Variants in USP15 observed in about 807,000 individuals in gnomAD.
The protein encoded by USP15 is ubiquitin carboxyl-terminal hydrolase 15.
USP15 carries 18 observed loss-of-function variants against 127.1 expected under a neutral mutation model. The ratio of observed to expected loss-of-function variants is 0.14; its 90% confidence interval spans 0.10 to 0.21. USP15 has a LOEUF of 0.21. USP15 is among the 10% of genes least tolerant of loss of function. The pLI is 1.00. For synonymous variants in USP15, 364 were observed against 393.7 expected (o/e 0.92, Z 0.89); for missense variants, 805 against 1,159.9 (o/e 0.69, Z 4.44).
chr12:62,265,762 G>A (rs1488412526), intron 1 of USP15, among the ~76,000 whole-genome samples: 4 of 152,066 alleles, frequency 2.6e-5, no homozygotes, highest in African/African-American at 9.7e-5. Context: ...GCCTAGACTG[G>A]TTTGAAACTC....
At chr12:62,393,771 G>A (rs530627397) in intron 19 of USP15, 3 of 152,318 alleles carry the variant, frequency 2.0e-5, no homozygotes, top group South Asian at 2.1e-4. Context: ...TAGTACAGAC[G>A]AGGTTTCACC....
chr12:62,341,948 C>T (rs12229271), intron 6 of USP15, among the ~76,000 whole-genome samples: 33,974 of 151,912 alleles, frequency 0.22, 4,105 homozygotes, highest in African/African-American at 0.33. Context: ...TGGGGAGGTT[C>T]TCCTGAACTA....
intron 1 of USP15, among the ~76,000 whole-genome samples, chr12:62,286,509 A>G (rs888946281): frequency 2.6e-5 from 4 of 152,212 alleles, no homozygotes; most frequent in African/African-American, 9.6e-5. Context: ...CCATTCGCTC[A>G]GCAGTCCCAT....
At chr12:62,271,957 A>G (rs1164083586) in intron 1 of USP15, among the ~76,000 whole-genome samples, 1 of 151,910 alleles carries the variant, frequency 6.6e-6, no homozygotes, top group Non-Finnish European at 1.5e-5. Context: ...AAGAGATGGT[A>G]AACTATTCCA....
At chr12:62,266,108 A>G (rs1279577463) in intron 1 of USP15, among the ~76,000 whole-genome samples, 1 of 152,192 alleles carries the variant, frequency 6.6e-6, no homozygotes, top group Non-Finnish European at 1.5e-5. Context: ...TTTGATCCAC[A>G]AGTACATTCA....
intron 7 of USP15, among the ~76,000 whole-genome samples, chr12:62,351,873 G>A (rs1243825519): frequency 2.6e-5 from 4 of 150,974 alleles, no homozygotes; most frequent in African/African-American, 7.3e-5. Context: ...TTAAGCATTC[G>A]TAAAATGGAA....
At chr12:62,361,228 A>G (rs1257543001) in intron 8 of USP15, among the ~76,000 whole-genome samples, 2 of 152,082 alleles carry the variant, frequency 1.3e-5, no homozygotes, top group Non-Finnish European at 2.9e-5. Context: ...TAACTTGGCT[A>G]ATAATGATTT....
At chr12:62,297,894 T>TA (rs1194560755) in intron 2 of USP15, among the ~76,000 whole-genome samples, 1 of 152,152 alleles carries the variant, frequency 6.6e-6, no homozygotes, top group Non-Finnish European at 1.5e-5. Context: ...CTCACTGAGT[T>TA]ACACGAAAAC....
intron 2 of USP15, among the ~76,000 whole-genome samples, chr12:62,296,523 A>G (rs1172850767): frequency 6.6e-6 from 1 of 152,234 alleles, no homozygotes; most frequent in Non-Finnish European, 1.5e-5. Flanking sequence ...AAGAGAATAT[A>G]GTAATCCTAA....
intron 20 of USP15, among the ~76,000 whole-genome samples, chr12:62,399,954 TAGAA>T (rs1205569461): frequency 6.6e-6 from 1 of 152,144 alleles, no homozygotes; most frequent in Non-Finnish European, 1.5e-5. Flanking sequence ...GGTAACTTAA[TAGAA>T]AGAGAATATT....
intron 1 of USP15, among the ~76,000 whole-genome samples, chr12:62,280,112 C>G (rs1565812980): frequency 6.6e-6 from 1 of 151,954 alleles, no homozygotes; most frequent in East Asian, 1.9e-4. Context: ...GCACATGGCT[C>G]AAGAGTAAAA....
chr12:62,395,780 T>C (rs891746913), intron 19 of USP15, among the ~76,000 whole-genome samples: 14 of 151,774 alleles, frequency 9.2e-5, no homozygotes, highest in African/African-American at 3.1e-4. Context: ...TTATTTGATT[T>C]AACATAATCT....
intron 8 of USP15, among the ~76,000 whole-genome samples, chr12:62,376,867 A>G (rs1279922695): frequency 6.6e-6 from 1 of 152,154 alleles, no homozygotes; most frequent in African/African-American, 2.4e-5. Context: ...GAAGTTTTCT[A>G]CTGCTACCTA....
chr12:62,371,126 TATG>T (rs758177725), intron 8 of USP15, among the ~76,000 whole-genome samples: 4 of 152,184 alleles, frequency 2.6e-5, no homozygotes, highest in Non-Finnish European at 5.9e-5. Flanking sequence ...ATAAGGCAAA[TATG>T]ATTATTATGT....
At chr12:62,393,365 T>G (rs1237104353) in intron 19 of USP15, among the ~76,000 whole-genome samples, 163 bp downstream of exon 19, 1 of 152,212 alleles carries the variant, frequency 6.6e-6, no homozygotes, top group South Asian at 2.1e-4. Context: ...GATCAGTGTT[T>G]CAAAATTTTT....
intron 8 of USP15, 21 bp from the exon 9 acceptor site, chr12:62,381,469 A>C (rs745452713): frequency 2.6e-6 from 4 of 1,560,268 alleles, no homozygotes; most frequent in East Asian, 2.3e-5. Flanking sequence ...TTTACTTGAA[A>C]ATATATTTTA....
Position 62,298,821 on chromosome 12 carries a change from C to T in USP15, c.218-3969C>T, listed in dbSNP as rs2137175454. Among the ~76,000 whole-genome samples the T allele has an allele frequency of 1.5e-5, 2 of 136,848 alleles. 1 individual carries two copies. Among genetic ancestry groups the T allele is most frequent in the South Asian group, 4.8e-4 (2 of 4,166 alleles). 89.8% of individuals were successfully genotyped at this position (136,848 alleles called of 152,430 possible). ...TCCAGCATGGGTGACAGAGTAAGAC[C>T]CTGTCTTGCAAAAAAAAAAAAAAAA... On this transcript the variant is annotated intron_variant, in intron 2 of 21. Coordinates refer to ENST00000280377, the MANE Select transcript of USP15 (RefSeq NM_001252078.2).
chr12:62,337,336 G>T (rs1354330601), intron 6 of USP15, among the ~76,000 whole-genome samples: 1 of 152,074 alleles, frequency 6.6e-6, no homozygotes, highest in Non-Finnish European at 1.5e-5. Context: ...AAAGAAAGAG[G>T]TTTATTGGAT....
chr12:62,388,117 ATTTTTTTTTTTTT>A (rs58192089), intron 11 of USP15, among the ~76,000 whole-genome samples: 1 of 106,586 alleles, frequency 9.4e-6, no homozygotes, highest in African/African-American at 3.6e-5. Context: ...AATGGTGAAG[ATTTTTTTTTTTTT>A]TTTTTTTTTT....
Sources: gnomAD v4.1 joint callset for allele counts (sites outside exome capture counted in the v4.1 genomes callset) on GRCh38, gnomAD v4.1.1 for gene constraint, MANE v1.5 for transcripts, NCBI Gene and HGNC (gene_info 2026-07-23, HGNC 2026-07-21) for gene names.